Variants in STK32A observed in about 807,000 individuals in gnomAD.
STK32A encodes serine/threonine kinase 32A.
STK32A carries 41 observed loss-of-function variants against 53.2 expected under a neutral mutation model. The ratio of observed to expected loss-of-function variants is 0.77; its 90% CI spans 0.60 to 1.00. The LOEUF (loss-of-function observed/expected upper bound fraction) is 1.00. Ranked by LOEUF, STK32A falls within the 50% of genes least tolerant of loss-of-function variation. The probability of loss-of-function intolerance (pLI) is 0.00; values close to 1 mark genes in which losing one functional copy is unlikely to be tolerated. For missense variants in STK32A, 458 were observed against 485.8 expected, an observed-to-expected ratio of 0.94 and a Z score of 0.54; for synonymous variants, 166 against 162.8, an observed-to-expected ratio of 1.02 and a Z score of -0.15.
At chr5:147,355,032 T>C (rs1218879225) in intron 7 of STK32A, among the ~76,000 whole-genome samples, 1 of 152,164 alleles carries the variant, frequency 6.6e-6, no homozygotes, top group Non-Finnish European at 1.5e-5. Flanking sequence ...ATCTACCAAA[T>C]CTATCAGCAC....
Position 147,296,698 on chromosome 5 carries a change from C to T in STK32A, c.260+17300C>T, listed in dbSNP as rs181339051. The stretch of plus-strand genomic sequence containing the variant: ...CTATCTACTGGGAGATTGCCTTTTC[C>T]TGGCGCCGGCTGCAACCAAATATTA... On this transcript the variant is annotated intron_variant, in intron 4 of 12. Transcript: ENST00000397936. Among the ~76,000 whole-genome samples the T allele has an allele frequency of 1.6e-3, 249 of 152,202 alleles. 1 individual carries two copies. The highest frequency in any genetic ancestry group is 5.9e-3 in the African/African-American group (244 of 41,512).
intron 2 of STK32A, among the ~76,000 whole-genome samples, chr5:147,253,830 G>A (rs1173464612): frequency 1.3e-5 from 2 of 152,218 alleles, no homozygotes; most frequent in East Asian, 1.9e-4. Context: ...GGAGGAGGGA[G>A]TGCTTAGAAG....
chr5:147,339,692 T>TA (rs1378142304), intron 5 of STK32A, among the ~76,000 whole-genome samples: 6 of 152,280 alleles, frequency 3.9e-5, no homozygotes, highest in Non-Finnish European at 8.8e-5. Context: ...GCCCACATGT[T>TA]ACATCAGCGT....
intron 5 of STK32A, among the ~76,000 whole-genome samples, chr5:147,328,951 G>A (rs1023472009): frequency 6.6e-6 from 1 of 152,110 alleles, no homozygotes. Context: ...TGAGAGGATG[G>A]TTGATTGTTT....
At chr5:147,319,868 C>T (rs1754213008) in intron 4 of STK32A, among the ~76,000 whole-genome samples, 1 of 152,038 alleles carries the variant, frequency 6.6e-6, no homozygotes, top group South Asian at 2.1e-4. Context: ...CAGAATGGAC[C>T]CTTGCTGGGG....
chr5:147,394,130 T>C, the STK32A span: 4 of 1,613,324 alleles, frequency 2.5e-6, no homozygotes, highest in Non-Finnish European at 3.4e-6. Flanking sequence ...GTGCCTACAG[T>C]TGGAAATAAA....
At chr5:147,400,939 G>A in the STK32A span, 1 of 1,411,232 alleles carries the variant, frequency 7.1e-7, no homozygotes, top group African/African-American at 1.4e-5. Flanking sequence ...GACTATTTGG[G>A]TTTGGAATGC....
intron 2 of STK32A, among the ~76,000 whole-genome samples, chr5:147,257,414 G>T (rs956739549): frequency 2.0e-5 from 3 of 151,978 alleles, no homozygotes; most frequent in Non-Finnish European, 4.4e-5. Context: ...ATCCCCACAG[G>T]GTATAACAAG....
chr5:147,319,855 G>A (rs1299699568), intron 4 of STK32A, among the ~76,000 whole-genome samples: 1 of 152,008 alleles, frequency 6.6e-6, no homozygotes, highest in African/African-American at 2.4e-5. Context: ...GCTTTTCCTT[G>A]CTCAGAATGG....
chr5:147,302,623 GT>G (rs1219281864), intron 4 of STK32A, among the ~76,000 whole-genome samples: 1 of 152,150 alleles, frequency 6.6e-6, no homozygotes, highest in Non-Finnish European at 1.5e-5. Flanking sequence ...TAGGGAGGCA[GT>G]TAATCTATAA....
intron 4 of STK32A, among the ~76,000 whole-genome samples, chr5:147,302,613 T>C (rs1753194272): frequency 6.6e-6 from 1 of 152,158 alleles, no homozygotes; most frequent in Non-Finnish European, 1.5e-5. Flanking sequence ...TACAAGACTA[T>C]AGGGAGGCAG....
At chr5:147,351,261 G>T (rs1755963495) in intron 7 of STK32A, 107 bp downstream of exon 7, 1 of 912,510 alleles carries the variant, frequency 1.1e-6, no homozygotes, top group East Asian at 2.6e-5. Context: ...GTTCCTCTCT[G>T]ACTTTACCTG....
intron 2 of STK32A, among the ~76,000 whole-genome samples, chr5:147,272,483 A>G (rs1478002610): frequency 1.3e-5 from 2 of 152,242 alleles, no homozygotes; most frequent in East Asian, 3.8e-4. Flanking sequence ...AATGAGATCT[A>G]TATGTGATGG....
At chr5:147,309,325 T>C (rs1753575738) in intron 4 of STK32A, among the ~76,000 whole-genome samples, 1 of 152,140 alleles carries the variant, frequency 6.6e-6, no homozygotes, top group Non-Finnish European at 1.5e-5. Flanking sequence ...GGCCATCCAC[T>C]GAGAATGAAG....
intron 4 of STK32A, among the ~76,000 whole-genome samples, chr5:147,314,562 C>G (rs1350154433): frequency 4.2e-5 from 6 of 142,208 alleles, no homozygotes; most frequent in African/African-American, 1.6e-4. Flanking sequence ...TCTTCCAAGT[C>G]AATAATAAAA....
At chr5:147,345,724 TG>T (rs1410750693) in intron 6 of STK32A, among the ~76,000 whole-genome samples, 2 of 152,186 alleles carry the variant, frequency 1.3e-5, no homozygotes, top group Non-Finnish European at 2.9e-5. Flanking sequence ...GGGGCTCTGT[TG>T]CCTACAGAAT....
At chr5:147,276,654 G>C (rs1191546410) in intron 2 of STK32A, among the ~76,000 whole-genome samples, 2 of 152,318 alleles carry the variant, frequency 1.3e-5, no homozygotes, top group Non-Finnish European at 1.5e-5. Flanking sequence ...AGGGGAACCA[G>C]GGTGAGCAGA....
At chr5:147,268,067 T>G (rs1277587086) in intron 2 of STK32A, among the ~76,000 whole-genome samples, 1 of 152,194 alleles carries the variant, frequency 6.6e-6, no homozygotes, top group Non-Finnish European at 1.5e-5. Flanking sequence ...GAATCTGAAT[T>G]TAAAAACATG....
At chr5:147,257,593 A>AGCGCTTTCTTG (rs1561672658) in intron 2 of STK32A, among the ~76,000 whole-genome samples, 1 of 151,990 alleles carries the variant, frequency 6.6e-6, no homozygotes, top group Admixed American at 6.5e-5. Context: ...TGTGGCCCAC[A>AGCGCTTTCTTG]ACTCTGGAGG....
Sources: gnomAD v4.1 joint callset for allele counts (sites outside exome capture counted in the v4.1 genomes callset) on GRCh38, gnomAD v4.1.1 for gene constraint, MANE v1.5 for transcripts, NCBI Gene and HGNC (gene_info 2026-07-23, HGNC 2026-07-21) for gene names.